Variants in ASPH observed in about 807,000 individuals in gnomAD.
ASPH encodes aspartyl/asparaginyl beta-hydroxylase.
ASPH carries 100 observed loss-of-function variants against 118.4 expected under a neutral mutation model. The observed-to-expected ratio is 0.84, with a 90% CI of 0.72 to 1.00. The LOEUF (loss-of-function observed/expected upper bound fraction) is 1.00, where lower values mean the gene tolerates loss of function less well. Among genes scored for constraint, ASPH ranks in the 50% least tolerant of loss-of-function variants. The pLI is 0.00. For missense variants in ASPH, 920 were observed against 919.5 expected (o/e 1.00, Z -0.01); for synonymous variants, 315 against 325.6 (o/e 0.97, Z 0.35).
intron 1 of ASPH, among the ~76,000 whole-genome samples, chr8:61,692,758 G>A (rs184591575): frequency 1.3e-5 from 2 of 152,228 alleles, no homozygotes; most frequent in East Asian, 3.9e-4. Flanking sequence ...CAGAGTTTCT[G>A]ATTTTGTAGG....
At chr8:61,698,249 C>T (rs1834398985) in intron 1 of ASPH, among the ~76,000 whole-genome samples, 2 of 152,354 alleles carry the variant, frequency 1.3e-5, no homozygotes, top group African/African-American at 4.8e-5. Flanking sequence ...GGATTGGCTA[C>T]AGCTTAGTGT....
intron 13 of ASPH, among the ~76,000 whole-genome samples, chr8:61,629,805 C>G (rs1020629166): frequency 3.9e-5 from 6 of 152,194 alleles, no homozygotes; most frequent in Non-Finnish European, 7.3e-5. Flanking sequence ...TCAGCTGTCA[C>G]GTCTTCATTT....
intron 3 of ASPH, chr8:61,657,976 T>A (rs1215086331): frequency 6.6e-6 from 1 of 152,208 alleles, no homozygotes; most frequent in Non-Finnish European, 1.5e-5. Context: ...TGGTTATCTG[T>A]GCTCAGGGTG....
intron 14 of ASPH, among the ~76,000 whole-genome samples, chr8:61,589,879 T>C (rs1840572968): frequency 6.6e-6 from 1 of 152,146 alleles, no homozygotes; most frequent in Non-Finnish European, 1.5e-5. Context: ...ATAGGATGAA[T>C]GAGGAGTGGT....
rs374949927 is a variant in ASPH, at chr8:61,666,818, T to A, written c.323-13158A>T. 4.9e-4 allele frequency among the ~76,000 whole-genome samples: 74 copies of A among 152,312 alleles called. 1 individual carries two copies. The South Asian group carries it at 0.015, about 30-fold the overall frequency. ...ATGCTGAGTCTTCATTCTACTTCAA[T>A]GCGTTTGGACAGTAACATAGATACT... On this transcript the variant is annotated intron_variant, in intron 3 of 24. Transcript: ENST00000379454.
At chr8:61,579,599 C>G (rs775874197) in intron 15 of ASPH, 3 of 1,523,620 alleles carry the variant, frequency 2.0e-6, no homozygotes, top group African/African-American at 1.4e-5. Context: ...CCTCCAGGGC[C>G]GTGGTTGTGA....
intron 13 of ASPH, among the ~76,000 whole-genome samples, chr8:61,620,549 T>C (rs1038219846): frequency 2.0e-5 from 3 of 152,090 alleles, no homozygotes; most frequent in African/African-American, 7.2e-5. Context: ...TCTCTTTAAC[T>C]ATAGCCTCCT....
intron 1 of ASPH, among the ~76,000 whole-genome samples, chr8:61,702,001 TTC>T (rs1228866489): frequency 6.6e-6 from 1 of 152,210 alleles, no homozygotes; most frequent in Non-Finnish European, 1.5e-5. Flanking sequence ...AATAGCTATA[TTC>T]TGTTTACAAG....
intron 5 of ASPH, among the ~76,000 whole-genome samples, chr8:61,648,471 C>T (rs1172082397): frequency 6.6e-6 from 1 of 152,182 alleles, no homozygotes; most frequent in Non-Finnish European, 1.5e-5. Flanking sequence ...CAGCAAATCA[C>T]CAATTTGAAT....
Position 61,642,674 on chromosome 8 carries a change from C to G in ASPH, c.790+214G>C, listed in dbSNP as rs138753499. 8.9e-3 allele frequency among the ~76,000 whole-genome samples: 1,355 copies of G among 151,748 alleles called. 5 individuals carry two copies. The highest frequency in any genetic ancestry group is 0.017 in the Middle Eastern group (5 of 292). ...TGAGATCGGGAGTTTGAGATAAACC[C>G]TAAAATACTAAAAATACAAAATTAG... On this transcript the variant is annotated intron_variant, in intron 10 of 24. Coordinates refer to ENST00000379454, the MANE Select transcript of ASPH (RefSeq NM_004318.4).
intron 14 of ASPH, among the ~76,000 whole-genome samples, chr8:61,607,766 T>A (rs1177156843): frequency 2.6e-5 from 4 of 152,154 alleles, no homozygotes; most frequent in African/African-American, 9.7e-5. Context: ...GTGGAATGCA[T>A]CTGCCATTTA....
chr8:61,592,542 A>C (rs1841455303), intron 14 of ASPH, among the ~76,000 whole-genome samples: 1 of 152,216 alleles, frequency 6.6e-6, no homozygotes, highest in Admixed American at 6.5e-5. Context: ...AATATTAAAT[A>C]CTGCTTTTGG....
intron 3 of ASPH, chr8:61,661,912 T>C: frequency 2.2e-6 from 1 of 460,938 alleles, no homozygotes; most frequent in Non-Finnish European, 3.8e-6. Context: ...ATCATCTATA[T>C]ACAATGCAAA....
intron 3 of ASPH, 97 bp downstream of exon 3, chr8:61,680,871 G>A: frequency 9.9e-7 from 1 of 1,010,404 alleles, no homozygotes; most frequent in African/African-American, 1.7e-5. Flanking sequence ...AAAGTCTCCT[G>A]TAAGATATAT....
intron 6 of ASPH, among the ~76,000 whole-genome samples, chr8:61,645,886 T>TA (rs1292390345): frequency 6.6e-6 from 1 of 152,222 alleles, no homozygotes; most frequent in African/African-American, 2.4e-5. Flanking sequence ...TTTATGCTTT[T>TA]AAAAAGTGTT....
At chr8:61,670,614 G>A (rs146261404) in intron 3 of ASPH, among the ~76,000 whole-genome samples, 98 of 152,094 alleles carry the variant, frequency 6.4e-4, no homozygotes, top group African/African-American at 1.7e-3. Flanking sequence ...AATTTTATCC[G>A]GGTTTTGTTT....
At position 61,501,185 on chromosome 8, in the gene ASPH, T is replaced by C. The variant is rs1192408247; in HGVS notation, c.*2174A>G. On this transcript the variant is annotated 3_prime_UTR_variant, in exon 25 of 25. Coordinates refer to ENST00000379454, the MANE Select transcript of ASPH (RefSeq NM_004318.4). Reference sequence around the variant, plus strand: ...AATGCAGTGATGGAAACACTTTTCTTATGTACCAAGACATAGATAGGTAAG... The same window carrying C: ...AATGCAGTGATGGAAACACTTTTCTCATGTACCAAGACATAGATAGGTAAG... The C allele has an allele frequency of 6.6e-6, 1 of 152,198 alleles. No individual in the cohort carries two copies. Among genetic ancestry groups the C allele is most frequent in the East Asian group, 1.9e-4 (1 of 5,198 alleles). The allele number at this position is 152,198 out of a possible 1,614,324, so 9.4% of individuals were successfully genotyped here.
intron 14 of ASPH, among the ~76,000 whole-genome samples, chr8:61,585,755 G>A (rs1839241925): frequency 6.6e-6 from 1 of 152,052 alleles, no homozygotes; most frequent in Non-Finnish European, 1.5e-5. Context: ...CACCACGTGG[G>A]CAGAAGCAAG....
intron 17 of ASPH, among the ~76,000 whole-genome samples, chr8:61,565,507 A>T (rs1403803907): frequency 6.6e-6 from 1 of 152,224 alleles, no homozygotes; most frequent in African/African-American, 2.4e-5. Context: ...GAGCTAGCAG[A>T]GATTTGTTCA....
Sources: allele counts gnomAD v4.1 joint callset (sites outside exome capture counted in the v4.1 genomes callset), GRCh38; gene constraint gnomAD v4.1.1; transcripts MANE v1.5; gene names NCBI Gene and HGNC (gene_info 2026-07-23, HGNC 2026-07-21).